Variants in EFTUD2 observed in about 807,000 individuals in gnomAD.
The protein encoded by EFTUD2 is 116 kDa U5 small nuclear ribonucleoprotein component.
A neutral mutation model predicts 114.3 loss-of-function variants in EFTUD2; 9 were observed. The ratio of observed to expected loss-of-function variants is 0.08; its 90% CI spans 0.05 to 0.14. The LOEUF is 0.14. Ranked by LOEUF, EFTUD2 falls within the 10% of genes least tolerant of loss-of-function variation. The pLI, the probability that EFTUD2 is intolerant of heterozygous loss-of-function variation, is 1.00. For missense variants in EFTUD2, 765 were observed against 1,241.2 expected (o/e 0.62, Z 5.76); for synonymous variants, 449 against 462.3 (o/e 0.97, Z 0.37).
At chr17:44,877,763 G>A (rs763183087) in intron 9 of EFTUD2, among the ~76,000 whole-genome samples, 28 of 150,982 alleles carry the variant, frequency 1.9e-4, no homozygotes, top group Non-Finnish European at 2.8e-4. Flanking sequence ...CCAAGATTGC[G>A]CCACTGCACT....
intron 4 of EFTUD2, among the ~76,000 whole-genome samples, chr17:44,884,991 G>A (rs1345185842): frequency 6.6e-6 from 1 of 152,196 alleles, no homozygotes; most frequent in Non-Finnish European, 1.5e-5. Context: ...AGTGATAACT[G>A]CAATACCCAG....
intron 6 of EFTUD2, among the ~76,000 whole-genome samples, chr17:44,882,238 T>C (rs2051085272): frequency 6.7e-6 from 1 of 148,414 alleles, no homozygotes; most frequent in African/African-American, 2.5e-5. Flanking sequence ...ATGGCTGGGT[T>C]TTTCTTTTTG....
At chr17:44,880,791 T>G (rs750148287) in intron 7 of EFTUD2, 147 bp from the exon 8 acceptor site, 35 of 589,378 alleles carry the variant, frequency 5.9e-5, no homozygotes, top group African/African-American at 5.9e-4. Flanking sequence ...AGCATGACCT[T>G]GAAGATAAAA....
chr17:44,881,583 A>G (rs2051073803), intron 7 of EFTUD2, 104 bp downstream of exon 7: 2 of 1,184,048 alleles, frequency 1.7e-6, no homozygotes, highest in Non-Finnish European at 2.5e-6. Context: ...GAGGAGTAGG[A>G]TATGAACTAA....
intron 4 of EFTUD2, chr17:44,884,333 A>C (rs762330128): frequency 1.3e-5 from 2 of 152,104 alleles, no homozygotes; most frequent in Admixed American, 6.5e-5. Flanking sequence ...AGGACTTCCA[A>C]CATGGTGAAA....
intron 4 of EFTUD2, 107 bp from the exon 5 acceptor site, chr17:44,883,831 C>A: frequency 1.0e-6 from 1 of 970,736 alleles, no homozygotes; most frequent in Non-Finnish European, 1.6e-6. Flanking sequence ...ACTTTCAGAC[C>A]AACTGGAGAG....
intron 9 of EFTUD2, among the ~76,000 whole-genome samples, chr17:44,879,144 G>T (rs770410032): frequency 3.9e-5 from 6 of 152,116 alleles, no homozygotes; most frequent in Admixed American, 3.3e-4. Context: ...GGAGTGAAGT[G>T]GCGCAATCTC....
chr17:44,885,218 G>T, intron 4 of EFTUD2, 38 bp downstream of exon 4: 2 of 1,534,762 alleles, frequency 1.3e-6, no homozygotes, highest in Non-Finnish European at 1.8e-6. Context: ...TGAACCCACA[G>T]CATTCCTGCA....
chr17:44,888,292 CG>C (rs1179076354), intron 2 of EFTUD2, among the ~76,000 whole-genome samples: 1 of 152,116 alleles, frequency 6.6e-6, no homozygotes, highest in Non-Finnish European at 1.5e-5. Context: ...CAAAAGTAGG[CG>C]GGGAGGTGCC....
At chr17:44,880,717 G>T (rs1043694459) in intron 7 of EFTUD2, 73 bp from the exon 8 acceptor site, 21 of 1,204,786 alleles carry the variant, frequency 1.7e-5, no homozygotes, top group Admixed American at 5.3e-5. Flanking sequence ...GGGCTCCCCA[G>T]TTGCTAGTAA....
At chr17:44,855,505 T>C (rs1379156826) in intron 20 of EFTUD2, among the ~76,000 whole-genome samples, 2 of 151,172 alleles carry the variant, frequency 1.3e-5, no homozygotes, top group African/African-American at 4.9e-5. Context: ...AAGGCGGAGG[T>C]TGCAGTGAGC....
At chr17:44,888,184 G>A (rs1282958642) in intron 2 of EFTUD2, among the ~76,000 whole-genome samples, 5 of 152,182 alleles carry the variant, frequency 3.3e-5, no homozygotes, top group Admixed American at 6.5e-5. Context: ...AGAATGGAGC[G>A]AAGGATGGGG....
chr17:44,899,134 G>A (rs1386411548), intron 1 of EFTUD2: 2 of 152,202 alleles, frequency 1.3e-5, no homozygotes, highest in Non-Finnish European at 2.9e-5. Flanking sequence ...ACGGACTGAG[G>A]CTATAGAGGC....
chr17:44,874,598 G>A (rs1458685344), intron 10 of EFTUD2, among the ~76,000 whole-genome samples: 1 of 152,152 alleles, frequency 6.6e-6, no homozygotes, highest in Non-Finnish European at 1.5e-5. Context: ...CCCATTTGAG[G>A]GGCTGCAGGA....
intron 8 of EFTUD2, among the ~76,000 whole-genome samples, 164 bp from the exon 9 acceptor site, chr17:44,879,802 T>C (rs1023169189): frequency 1.3e-5 from 2 of 152,054 alleles, no homozygotes; most frequent in African/African-American, 4.8e-5. Flanking sequence ...ATTAGTGTCA[T>C]ATCCTTGCAT....
At chr17:44,865,854 C>G (rs1385009297) in intron 13 of EFTUD2, among the ~76,000 whole-genome samples, 2 of 152,146 alleles carry the variant, frequency 1.3e-5, no homozygotes, top group African/African-American at 4.8e-5. Context: ...CTCTGTCACC[C>G]AGCCTGGAGT....
chr17:44,866,969 T>C (rs1267132392), intron 13 of EFTUD2, among the ~76,000 whole-genome samples: 2 of 152,128 alleles, frequency 1.3e-5, no homozygotes, highest in Non-Finnish European at 2.9e-5. Context: ...TAGCCAGGCA[T>C]GGTAGCTTGC....
intron 1 of EFTUD2, among the ~76,000 whole-genome samples, chr17:44,897,215 CAAAAAAAAAAAAA>C (rs60766041): frequency 1.5e-5 from 1 of 66,520 alleles, no homozygotes; most frequent in Non-Finnish European, 3.1e-5. Context: ...GACTCCGTCT[CAAAAAAAAAAAAA>C]AAAAAAAAGA....
intron 9 of EFTUD2, 28 bp downstream of exon 9, chr17:44,879,528 G>A: frequency 2.5e-6 from 4 of 1,612,046 alleles, no homozygotes; most frequent in Non-Finnish European, 3.4e-6. Context: ...ACAGGTGGAT[G>A]AGATTCTGGG....
Sources: allele counts gnomAD v4.1 joint callset (sites outside exome capture counted in the v4.1 genomes callset), GRCh38; gene constraint gnomAD v4.1.1; transcripts MANE v1.5; gene names NCBI Gene and HGNC (gene_info 2026-07-23, HGNC 2026-07-21).